P2RX1: variants seen among roughly 807,000 people sequenced by gnomAD.
The protein encoded by P2RX1 is purinergic receptor P2X 1.
Under a neutral mutation model 50.3 loss-of-function variants are expected in P2RX1, and 42 were observed. That is an observed-to-expected ratio of 0.83 (90% CI 0.65 to 1.08). The LOEUF is 1.08. Among genes scored for constraint, P2RX1 ranks in the 50% least tolerant of loss-of-function variants. The pLI, the probability that P2RX1 is intolerant of heterozygous loss-of-function variation, is 0.00. For missense variants in P2RX1, 449 were observed against 529.0 expected (o/e 0.85, Z 1.48); for synonymous variants, 199 against 202.6 (o/e 0.98, Z 0.15).
At position 3,897,533 on chromosome 17, in the gene P2RX1, G is replaced by A; in HGVS notation, c.*281C>T. Reference sequence around the variant, plus strand: ...GTCCGGAGAGAGAAGCACGAAGCTAGGGTGCAGGTGTGTGGGAGGGTCCTG... The same window carrying A: ...GTCCGGAGAGAGAAGCACGAAGCTAAGGTGCAGGTGTGTGGGAGGGTCCTG... On this transcript the variant is annotated 3_prime_UTR_variant, in exon 12 of 12. Transcript: ENST00000225538. 1.8e-6 allele frequency: 1 copy of A among 557,398 alleles called. No homozygotes were observed. Among genetic ancestry groups the A allele is most frequent in the Non-Finnish European group, 3.2e-6 (1 of 309,428 alleles). The allele number at this position is 557,398 out of a possible 1,614,324, so 34.5% of individuals were successfully genotyped here.
At chr17:3,901,171 G>A (rs77784899) in intron 7 of P2RX1, among the ~76,000 whole-genome samples, 2 of 152,204 alleles carry the variant, frequency 1.3e-5, no homozygotes, top group Admixed American at 6.5e-5. Flanking sequence ...AGGTTCAAGC[G>A]ATTCTCCTGC....
chr17:3,905,066 A>C (rs1269029309), intron 2 of P2RX1, 137 bp from the exon 3 acceptor site: 1 of 1,166,150 alleles, frequency 8.6e-7, no homozygotes, highest in Non-Finnish European at 1.2e-6. Context: ...TGCCACCAAC[A>C]TGGGGTGATA....
chr17:3,904,443 G>A (rs747897302), intron 3 of P2RX1, 44 bp from the exon 4 acceptor site: 1 of 1,558,522 alleles, frequency 6.4e-7, no homozygotes, highest in Non-Finnish European at 8.8e-7. Flanking sequence ...CTTGGGTGGG[G>A]TCCTGAGAAG....
intron 1 of P2RX1, among the ~76,000 whole-genome samples, chr17:3,909,086 G>T (rs992361386): frequency 1.3e-5 from 2 of 151,794 alleles, no homozygotes; most frequent in East Asian, 3.9e-4. Flanking sequence ...GCTGGAGTGC[G>T]GTGGCACGAT....
intron 8 of P2RX1, among the ~76,000 whole-genome samples, 197 bp from the exon 9 acceptor site, chr17:3,899,221 T>C (rs2056089232): frequency 8.5e-3 from 1 of 118 alleles, no homozygotes; most frequent in Non-Finnish European, 0.019. Context: ...TTTTTTTTTT[T>C]GTGAGACGGA....
intron 7 of P2RX1, 107 bp from the exon 8 acceptor site, chr17:3,899,868 A>T: frequency 7.2e-7 from 1 of 1,381,980 alleles, no homozygotes; most frequent in Non-Finnish European, 1.0e-6. Flanking sequence ...TGGGAGGCAG[A>T]GGCGGGTGGA....
chr17:3,906,030 G>C (rs1171722889), intron 1 of P2RX1, among the ~76,000 whole-genome samples: 3 of 152,204 alleles, frequency 2.0e-5, no homozygotes, highest in Non-Finnish European at 4.4e-5. Context: ...ATGCCTAACA[G>C]CCTGGGTCTA....
chr17:3,903,949 T>A lies in P2RX1; in HGVS notation c.503A>T (p.Glu168Val). The A allele has an allele frequency of 6.2e-7, 1 of 1,613,928 alleles. No homozygotes were observed. The highest frequency in any genetic ancestry group is 1.1e-5 in the South Asian group (1 of 91,080). ...TTACCGCGGGATGTCGTCATCCACC[T>A]CCACGGGGCACCAGCCAAAGATCTC... is the stretch of plus-strand genomic sequence containing the variant. Reference protein sequence around the residue: ...TCEIFGWCPVEVDDDIPRPAL... With the variant: ...TCEIFGWCPVVVDDDIPRPAL... Residue 168 changes from glutamate (E) to valine (V), a missense_variant, in exon 5 of 12, where the codon GAG (glutamate) becomes GTG (valine). Coordinates refer to ENST00000225538, the MANE Select transcript of P2RX1 (RefSeq NM_002558.4). This position sits in a 1 kb window ranked among gnomAD's most constrained non-coding sequence, Gnocchi z 4.6.
At chr17:3,912,456 G>A (rs756445452) in intron 1 of P2RX1, among the ~76,000 whole-genome samples, 14 of 151,870 alleles carry the variant, frequency 9.2e-5, no homozygotes, top group South Asian at 8.3e-4. Context: ...TCAGCCTCCC[G>A]AGTAGCTGGG....
At chr17:3,906,610 T>C (rs1437886542) in intron 1 of P2RX1, among the ~76,000 whole-genome samples, 2 of 152,202 alleles carry the variant, frequency 1.3e-5, no homozygotes, top group Non-Finnish European at 2.9e-5. Flanking sequence ...TCTGGAGGGC[T>C]TGCAGCGTCC....
intron 7 of P2RX1, among the ~76,000 whole-genome samples, chr17:3,901,292 C>G (rs1041852486): frequency 3.3e-5 from 5 of 152,228 alleles, no homozygotes; most frequent in African/African-American, 9.6e-5. Context: ...TGGTCTCGAT[C>G]TCCTGACCTC....
chr17:3,907,904 G>A (rs79979957), intron 1 of P2RX1, among the ~76,000 whole-genome samples: 4,305 of 152,242 alleles, frequency 0.028, 214 homozygotes, highest in African/African-American at 0.097. Context: ...CCTTGTCCTG[G>A]GCCCCTCTGC....
chr17:3,901,835 C>T (rs183995816), intron 7 of P2RX1, among the ~76,000 whole-genome samples: 42 of 152,308 alleles, frequency 2.8e-4, no homozygotes, highest in African/African-American at 8.9e-4. Flanking sequence ...TGCCAGGCAG[C>T]GAGGCACGCC....
chr17:3,898,615 C>A (rs1364084903), intron 9 of P2RX1, 66 bp from the exon 10 acceptor site: 1 of 1,297,398 alleles, frequency 7.7e-7, no homozygotes, highest in African/African-American at 1.5e-5. Context: ...AAAGGCCGGA[C>A]CTGGGACAAG....
intron 2 of P2RX1, 39 bp from the exon 3 acceptor site, chr17:3,904,968 G>GC: frequency 2.2e-6 from 2 of 903,322 alleles, no homozygotes; most frequent in Non-Finnish European, 3.6e-6. Flanking sequence ...GGTGGGCTGG[G>GC]AGCTGGGAGA....
chr17:3,905,147 G>C, intron 2 of P2RX1, 73 bp downstream of exon 2: 1 of 1,562,656 alleles, frequency 6.4e-7, no homozygotes, highest in Non-Finnish European at 8.8e-7. Context: ...GTCCCACAGG[G>C]ACGTGGGACA....
chr17:3,898,467 G>A lies in P2RX1; in HGVS notation c.1032+17C>T, dbSNP rs2056074471. 2 of 1,607,898 alleles carry A rather than the reference G, an allele frequency of 1.2e-6. No individual in the cohort carries two copies. The highest frequency in any genetic ancestry group is 1.7e-6 in the Non-Finnish European group (2 of 1,174,444). Reference sequence around the variant, plus strand: ...GGGCCAACCCCAGCACAGTGAGCCGGTGACCCCAGCACTTACCACCCCAAA... The same window carrying A: ...GGGCCAACCCCAGCACAGTGAGCCGATGACCCCAGCACTTACCACCCCAAA... On this transcript the variant is annotated intron_variant, in intron 10 of 11. Transcript: ENST00000225538.
In P2RX1 at chr17:3,899,678, A is replaced by G. The variant is rs374499945; in HGVS notation, c.831T>C (p.His277=). ...AGAGATTTTTCTCTTCGTACAGCCC[A>G]TGGAACTCATAGATGGGTCTGCAGT... ...VRHCRPIYEF[H]GLYEEKNLSP... Residue 277 remains histidine (H), a synonymous_variant, in exon 8 of 12, where the codon CAT becomes CAC. Coordinates refer to ENST00000225538, the MANE Select transcript of P2RX1 (RefSeq NM_002558.4). 3.1e-6 allele frequency: 5 copies of G among 1,613,974 alleles called. No homozygotes were observed. In the South Asian group the frequency reaches 3.3e-5, roughly 11 times the overall value.
intron 1 of P2RX1, among the ~76,000 whole-genome samples, chr17:3,906,485 C>T (rs2056266502): frequency 6.6e-6 from 1 of 152,202 alleles, no homozygotes; most frequent in African/African-American, 2.4e-5. Context: ...TGTAGAAACA[C>T]TCAGAATGGG....
Sources: gnomAD v4.1 joint callset for allele counts (sites outside exome capture counted in the v4.1 genomes callset) on GRCh38, gnomAD v4.1.1 for gene constraint, Gnocchi (gnomAD v3.1) non-coding constraint, MANE v1.5 for transcripts, NCBI Gene and HGNC (gene_info 2026-07-23, HGNC 2026-07-21) for gene names.